The following RDX variants were observed in gnomAD, a reference collection of about 807,000 sequenced individuals.
RDX encodes the protein radixin.
In RDX, 32 loss-of-function variants were observed where a neutral mutation model predicts 83.7. The ratio of observed to expected loss-of-function variants is 0.38; its 90% CI spans 0.29 to 0.51. RDX has a LOEUF of 0.51. RDX is among the 20% of genes least tolerant of loss of function. RDX has a pLI of 0.87. For missense variants in RDX, 600 were observed against 689.9 expected (o/e 0.87, Z 1.46); for synonymous variants, 229 against 222.7 (o/e 1.03, Z -0.25).
At chr11:110,182,838 G>A (rs1287408488) in intron 15 of RDX, among the ~76,000 whole-genome samples, 1 of 152,216 alleles carries the variant, frequency 6.6e-6, no homozygotes, top group African/African-American at 2.4e-5. Flanking sequence ...AGGAACTGAA[G>A]ATGAGTTCTG....
At chr11:110,251,989 T>C (rs934624866) in intron 9 of RDX, among the ~76,000 whole-genome samples, 1 of 152,186 alleles carries the variant, frequency 6.6e-6, no homozygotes, top group Non-Finnish European at 1.5e-5. Flanking sequence ...GCTGGCTACT[T>C]TGCCAATGGG....
intron 8 of RDX, among the ~76,000 whole-genome samples, chr11:110,254,567 C>T (rs1859468221): frequency 6.6e-6 from 1 of 151,934 alleles, no homozygotes; most frequent in Non-Finnish European, 1.5e-5. Flanking sequence ...CCTCTGCCTC[C>T]CGGGTTCAAG....
At chr11:110,187,628 C>T (rs1054699857) in intron 15 of RDX, among the ~76,000 whole-genome samples, 1 of 152,220 alleles carries the variant, frequency 6.6e-6, no homozygotes, top group Non-Finnish European at 1.5e-5. Context: ...CTAGGCACAC[C>T]TCTGGGTGCT....
At chr11:110,248,271 C>A (rs76718808) in intron 9 of RDX, among the ~76,000 whole-genome samples, 1 of 151,846 alleles carries the variant, frequency 6.6e-6, no homozygotes, top group African/African-American at 2.4e-5. Flanking sequence ...TCATGTGAAA[C>A]CTAAGAACTG....
At chr11:110,275,554 C>T (rs867732010) in intron 2 of RDX, among the ~76,000 whole-genome samples, 17 of 152,106 alleles carry the variant, frequency 1.1e-4, no homozygotes, top group Non-Finnish European at 1.0e-4. Flanking sequence ...CGAATGTTCA[C>T]GCATACGGCT....
chr11:110,281,903 C>T (rs1251889228), intron 1 of RDX, among the ~76,000 whole-genome samples: 1 of 145,022 alleles, frequency 6.9e-6, no homozygotes, highest in Non-Finnish European at 1.5e-5. Flanking sequence ...GAGTTTGAGA[C>T]CAGCCTAGGC....
chr11:110,271,593 T>C (rs765596590), intron 3 of RDX, among the ~76,000 whole-genome samples: 2 of 152,216 alleles, frequency 1.3e-5, no homozygotes, highest in East Asian at 1.9e-4. Flanking sequence ...ACTGATAATT[T>C]AGAGTAGGCC....
chr11:110,229,892 C>G lies in RDX; in HGVS notation c.*1977G>C, dbSNP rs1864558418. ...TATTATGCAATTGCTTTAAAGTGAA[C>G]ATTTATGTCTCAAAACATGAATAGT... On this transcript the variant is annotated 3_prime_UTR_variant, in exon 14 of 14. Coordinates refer to ENST00000645495, the MANE Select transcript of RDX (RefSeq NM_002906.4). The G allele has an allele frequency of 6.6e-6, 1 of 152,386 alleles. No individual in the cohort carries two copies. Among genetic ancestry groups the G allele is most frequent in the Admixed American group, 6.6e-5 (1 of 15,238 alleles). The allele number at this position is 152,386 out of a possible 1,614,324, so 9.4% of individuals were successfully genotyped here.
intron 2 of RDX, among the ~76,000 whole-genome samples, chr11:110,274,881 A>G (rs909606336): frequency 3.3e-5 from 5 of 152,196 alleles, no homozygotes; most frequent in Non-Finnish European, 5.9e-5. Flanking sequence ...TGCTATGAAC[A>G]TTCTCGTACA....
At chr11:110,265,412 T>TGTCA (rs1210245858) in intron 3 of RDX, among the ~76,000 whole-genome samples, 3 of 151,954 alleles carry the variant, frequency 2.0e-5, no homozygotes, top group Non-Finnish European at 4.4e-5. Context: ...AATTTTGTAG[T>TGTCA]GTCACTTCAA....
intron 10 of RDX, chr11:110,238,013 G>A (rs779900006): frequency 3.4e-5 from 7 of 206,600 alleles, no homozygotes; most frequent in East Asian, 2.4e-4. Flanking sequence ...CTACAAGCAC[G>A]TAACTATTTT....
chr11:110,185,231 T>C (rs961075647), intron 15 of RDX: 17 of 152,224 alleles, frequency 1.1e-4, no homozygotes, highest in Non-Finnish European at 1.5e-5. Flanking sequence ...GAAATGAGGA[T>C]AATCCATAAT....
chr11:110,290,393 T>C (rs1156246835), intron 1 of RDX, among the ~76,000 whole-genome samples: 5 of 152,006 alleles, frequency 3.3e-5, no homozygotes, highest in Non-Finnish European at 7.4e-5. Flanking sequence ...GCTCCTATAG[T>C]TCCAGCTACT....
chr11:110,254,470 AC>A (rs1444860141), intron 8 of RDX, among the ~76,000 whole-genome samples: 1 of 150,256 alleles, frequency 6.7e-6, no homozygotes, highest in Non-Finnish European at 1.5e-5. Context: ...GTTTTTTTTA[AC>A]CTAGAATTGT....
At chr11:110,222,739 T>C (rs1201190659) in intron 14 of RDX, among the ~76,000 whole-genome samples, 1 of 152,078 alleles carries the variant, frequency 6.6e-6, no homozygotes, top group Non-Finnish European at 1.5e-5. Flanking sequence ...GAGGTTGCAG[T>C]GAGCCGAGAT....
chr11:110,285,694 CAG>C (rs1491378848), intron 1 of RDX, among the ~76,000 whole-genome samples: 1 of 112,012 alleles, frequency 8.9e-6, no homozygotes, highest in Non-Finnish European at 1.7e-5. Flanking sequence ...GCCTGGGCGA[CAG>C]AGTGAGACTT....
At chr11:110,202,221 G>A (rs931525647) in intron 14 of RDX, among the ~76,000 whole-genome samples, 4 of 151,748 alleles carry the variant, frequency 2.6e-5, no homozygotes, top group East Asian at 3.9e-4. Context: ...ATGGGGAAAC[G>A]CCATCTCTAC....
intron 14 of RDX, among the ~76,000 whole-genome samples, chr11:110,208,622 C>T (rs1421120550): frequency 6.6e-6 from 1 of 152,162 alleles, no homozygotes; most frequent in Non-Finnish European, 1.5e-5. Flanking sequence ...TTCTTGAGCA[C>T]AGACTCTTCT....
downstream of RDX, among the ~76,000 whole-genome samples, chr11:110,225,979 T>C (rs767672116): frequency 2.0e-5 from 3 of 148,444 alleles, no homozygotes; most frequent in South Asian, 2.1e-4. Context: ...GGCAGGACAA[T>C]CGCTTGAACC....
Sources: gnomAD v4.1 joint callset for allele counts (sites outside exome capture counted in the v4.1 genomes callset) on GRCh38, gnomAD v4.1.1 for gene constraint, MANE v1.5 for transcripts, NCBI Gene and HGNC (gene_info 2026-07-23, HGNC 2026-07-21) for gene names.